SLC5A1: variants seen among roughly 807,000 people sequenced by gnomAD.
SLC5A1 encodes the protein sodium/glucose cotransporter 1.
A neutral mutation model predicts 73.5 loss-of-function variants in SLC5A1; 42 were observed. That is an observed-to-expected ratio of 0.57 (90% CI 0.45 to 0.74). The LOEUF is 0.74. SLC5A1 is among the 30% of genes least tolerant of loss of function. SLC5A1 has a pLI of 0.00. For synonymous variants in SLC5A1, 300 were observed against 317.4 expected, an observed-to-expected ratio of 0.95 and a Z score of 0.58; for missense variants, 634 against 855.4, an observed-to-expected ratio of 0.74 and a Z score of 3.23.
rs869158260 is a variant in SLC5A1 at position 32,099,084 on chromosome 22, CAAAAA to C, written c.1281-81_1281-77del. 3.1e-3 allele frequency: 286 copies of C among 92,116 alleles called. 1 individual carries two copies. Among genetic ancestry groups the C allele is most frequent in the East Asian group, 4.0e-3 (9 of 2,262 alleles). 5.7% of individuals were successfully genotyped at this position (92,116 alleles called of 1,614,324 possible). On this transcript the variant is annotated intron_variant, in intron 11 of 14. Coordinates refer to ENST00000266088, the MANE Select transcript of SLC5A1 (RefSeq NM_000343.4). ...TGGGTGACAGAGCAAGACTCTGTCTCAAAAAAAAAAAAAAAAAAAAAATATATATA... is the reference window on the plus strand; with the variant it reads ...TGGGTGACAGAGCAAGACTCTGTCTCAAAAAAAAAAAAAAAAATATATATA...
At chr22:32,047,706 G>A (rs1156440206) in intron 1 of SLC5A1, among the ~76,000 whole-genome samples, 4 of 152,150 alleles carry the variant, frequency 2.6e-5, no homozygotes, top group Admixed American at 1.3e-4. Context: ...TCAATACATC[G>A]TTGCAGACTG....
intron 6 of SLC5A1, among the ~76,000 whole-genome samples, chr22:32,082,704 A>T (rs1322335962): frequency 1.3e-5 from 2 of 152,124 alleles, no homozygotes; most frequent in Non-Finnish European, 2.9e-5. Context: ...AAAAAGGTAG[A>T]CATATGTCCC....
At chr22:32,067,593 A>G (rs1415851371) in intron 3 of SLC5A1, among the ~76,000 whole-genome samples, 5 of 151,976 alleles carry the variant, frequency 3.3e-5, no homozygotes, top group African/African-American at 1.2e-4. Context: ...GCTTGTCTTG[A>G]ACTCCTGGCC....
chr22:32,109,861 T>G (rs537172319), intron 14 of SLC5A1, 129 bp from the exon 15 acceptor site: 94 of 704,226 alleles, frequency 1.3e-4, no homozygotes, highest in Non-Finnish European at 2.0e-4. Flanking sequence ...GGGGGAAATT[T>G]GGGGAAATTT....
At position 32,099,324 on chromosome 22, in the gene SLC5A1, T is replaced by C. The variant is rs760941940; in HGVS notation, c.1422T>C (p.Ala474=). 3 of 1,613,220 alleles carry C rather than the reference T, an allele frequency of 1.9e-6. No homozygotes were observed. Among genetic ancestry groups the C allele is most frequent in the Non-Finnish European group, 2.5e-6 (3 of 1,179,606 alleles). ...CCATTGCGGCTGTCTTCCTGCTTGC[T>C]ATTTTCTGGAAGAGAGTCAATGAGC... The part of the protein sequence containing the change: ...GPPIAAVFLL[A]IFWKRVNEPG... Residue 474 remains alanine (A), a synonymous_variant, in exon 12 of 15, where the codon GCT becomes GCC. Coordinates refer to ENST00000266088, the MANE Select transcript of SLC5A1 (RefSeq NM_000343.4).
chr22:32,068,745 T>G (rs1353969567), intron 5 of SLC5A1, 145 bp downstream of exon 5: 5 of 680,882 alleles, frequency 7.3e-6, no homozygotes, highest in Admixed American at 2.1e-5. Flanking sequence ...TAGAGTCCTA[T>G]TTCTGCATCG....
At chr22:32,091,154 G>A (rs1304021802) in intron 10 of SLC5A1, among the ~76,000 whole-genome samples, 5 of 151,924 alleles carry the variant, frequency 3.3e-5, no homozygotes, top group Non-Finnish European at 1.5e-5. Flanking sequence ...TGATTTGCAC[G>A]TATTTTCTCC....
At position 32,049,162 on chromosome 22, in the gene SLC5A1, A is replaced by AATCTATATCTATATCTAT. The variant is rs35964250; in HGVS notation, c.136-730_136-713dup. Among the ~76,000 whole-genome samples the AATCTATATCTATATCTAT allele has an allele frequency of 5.3e-4, 69 of 129,032 alleles. No individual in the cohort carries two copies. In the East Asian group the frequency reaches 6.6e-3, roughly 12 times the overall value. The allele number at this position is 129,032 out of a possible 152,430, so 84.7% of individuals were successfully genotyped here. On this transcript the variant is annotated intron_variant, in intron 1 of 14. Transcript: ENST00000266088. ...TATATATATAATCTATATTATATATAATCTATATCTATATCTATATCTATA... is the reference window on the plus strand; with the variant it reads ...TATATATATAATCTATATTATATATAATCTATATCTATATCTATATCTATATCTATATCTATATCTATA...
chr22:32,095,169 T>C (rs1158042921), intron 11 of SLC5A1, among the ~76,000 whole-genome samples: 1 of 152,210 alleles, frequency 6.6e-6, no homozygotes, highest in Non-Finnish European at 1.5e-5. Flanking sequence ...CCCTTTGAAG[T>C]TGATTTCCAG....
At chr22:32,078,350 C>G (rs1453175832) in intron 5 of SLC5A1, among the ~76,000 whole-genome samples, 3 of 152,158 alleles carry the variant, frequency 2.0e-5, no homozygotes, top group African/African-American at 7.2e-5. Context: ...TCACTGCAAC[C>G]TCTGCCTCCC....
chr22:32,103,019 G>A (rs897153300), intron 13 of SLC5A1, among the ~76,000 whole-genome samples: 3 of 152,172 alleles, frequency 2.0e-5, no homozygotes, highest in Non-Finnish European at 2.9e-5. Context: ...TGTGAATAGT[G>A]CTGCAGTAAA....
At position 32,104,883 on chromosome 22, in the gene SLC5A1, T is replaced by C. The variant is rs201862174; in HGVS notation, c.1763T>C (p.Ile588Thr). Residue 588 changes from isoleucine (I) to threonine (T), a missense_variant, in exon 14 of 15, where the codon ATT becomes ACT. By Grantham distance (89) the Ile-to-Thr change is moderately conservative. This residue lies in a region of SLC5A1 where 161 missense variants were observed against 178.7 expected (regional missense o/e 0.90). Coordinates refer to ENST00000266088, the MANE Select transcript of SLC5A1 (RefSeq NM_000343.4). The part of the protein sequence containing the change: ...ENIQEGPKET[I>T]EIETQVPEKK... ...ATCCAAGAAGGCCCTAAGGAGACCA[T>C]TGAAATAGGTGACTTATGACCCAGA... 76 of 1,609,408 alleles carry C rather than the reference T, an allele frequency of 4.7e-5. No individual in the cohort carries two copies. In the East Asian group the frequency reaches 6.7e-4, roughly 14 times the overall value.
intron 7 of SLC5A1, 130 bp from the exon 8 acceptor site, chr22:32,084,309 G>C (rs762756880): frequency 3.8e-6 from 3 of 780,846 alleles, no homozygotes; most frequent in Non-Finnish European, 6.7e-6. Flanking sequence ...AAGGTGATTT[G>C]CCCAAGGCCA....
Position 32,048,594 on chromosome 22 carries a change from C to T in SLC5A1, c.136-1349C>T, listed in dbSNP as rs964363637. Among the ~76,000 whole-genome samples, 7 of 152,320 alleles carry T rather than the reference C, an allele frequency of 4.6e-5. No homozygotes were observed. The East Asian group carries it at 1.2e-3, about 25-fold the overall frequency. On this transcript the variant is annotated intron_variant, in intron 1 of 14. Transcript: ENST00000266088. ...CTGTTCGCCATTCTCTCCTTCTCCA[C>T]GCTGGGTGAGGTTCCACCTCTAGAT...
intron 8 of SLC5A1, 58 bp downstream of exon 8, chr22:32,084,717 CCTGT>C: frequency 6.4e-7 from 1 of 1,551,182 alleles, no homozygotes; most frequent in East Asian, 2.2e-5. Context: ...TACAGGAACT[CCTGT>C]CTGTCTGTGG....
In SLC5A1 at chr22:32,093,511, G is replaced by T. The variant is rs574780651; in HGVS notation, c.1280+1749G>T. On this transcript the variant is annotated intron_variant, in intron 11 of 14. Coordinates refer to ENST00000266088, the MANE Select transcript of SLC5A1 (RefSeq NM_000343.4). The stretch of plus-strand genomic sequence containing the variant: ...GTGTTTTGTAGTTTTCCTTGTAGAG[G>T]TCTTTCACGTCCTTGGTTAGGTATA... 4.0e-5 allele frequency among the ~76,000 whole-genome samples: 6 copies of T among 151,850 alleles called. No homozygotes were observed. In the East Asian group the frequency reaches 1.2e-3, roughly 29 times the overall value.
At chr22:32,068,409 C>A in intron 4 of SLC5A1, 87 bp from the exon 5 acceptor site, 1 of 892,294 alleles carries the variant, frequency 1.1e-6, no homozygotes, top group Non-Finnish European at 1.9e-6. Context: ...TTCTGTGGCT[C>A]TGATATTAGG....
At chr22:32,103,763 T>C (rs556075019) in intron 13 of SLC5A1, among the ~76,000 whole-genome samples, 8 of 152,318 alleles carry the variant, frequency 5.3e-5, no homozygotes, top group African/African-American at 1.9e-4. Context: ...AAATTGACCA[T>C]AGGATGTAAA....
Position 32,102,153 on chromosome 22 carries a change from G to A in SLC5A1, c.1581G>A (p.Leu527=), listed in dbSNP as rs33939337. The change falls in exon 13 of 15, where the codon TTG becomes TTA. Residue 527 remains leucine, a synonymous_variant. Transcript: ENST00000266088. ...CGATTATCTGTGGGGTGCACTACTT[G>A]TACTTTGCCATTATCCTCTTCGCCA... ...CPTIICGVHY[L]YFAIILFAIS... 1 of 1,613,906 alleles carries A rather than the reference G, an allele frequency of 6.2e-7. No homozygotes were observed. The highest frequency in any genetic ancestry group is 1.3e-5 in the African/African-American group (1 of 74,874).
Sources: gnomAD v4.1 joint callset for allele counts (sites outside exome capture counted in the v4.1 genomes callset) on GRCh38, gnomAD v4.1.1 for gene constraint, gnomAD v4.1.1 regional missense constraint, MANE v1.5 for transcripts, NCBI Gene and HGNC (gene_info 2026-07-23, HGNC 2026-07-21) for gene names.